NEB: variants seen among roughly 807,000 people sequenced by gnomAD.
NEB encodes the protein nemaline myopathy type 2.
In NEB, 512 loss-of-function variants were observed where a neutral mutation model predicts 952.2. That is an observed-to-expected ratio of 0.54 (90% confidence interval 0.50 to 0.58). The LOEUF is 0.58. Among genes scored for constraint, NEB ranks in the 20% least tolerant of loss-of-function variants. NEB has a pLI of 0.00. For synonymous variants in NEB, 2,900 were observed against 3,149.8 expected (o/e 0.92, Z 2.66); for missense variants, 8,428 against 9,231.1 (o/e 0.91, Z 3.56).
chr2:151,524,279 A>G (rs772300076), intron 153 of NEB, 32 bp downstream of exon 153: 120 of 1,569,048 alleles, frequency 7.6e-5, no homozygotes, highest in Non-Finnish European at 1.0e-4. Context: ...ATCTCCTCAC[A>G]TGAGAGCCAC....
Position 151,492,319 on chromosome 2 carries a change from G to C in NEB, c.24874-38C>G, listed in dbSNP as rs772460538. 3 of 1,600,148 alleles carry C rather than the reference G, an allele frequency of 1.9e-6. No individual in the cohort carries two copies. In the East Asian group the frequency reaches 6.7e-5, roughly 36 times the overall value. On this transcript the variant is annotated intron_variant, in intron 177 of 181. Coordinates refer to ENST00000397345, the MANE Select transcript of NEB (RefSeq NM_001164508.2). ...GAATTTGCTTTATGAAAATATGATGGTGTGACTATATCCCTTTTTACACAT... is the reference window on the plus strand; with the variant it reads ...GAATTTGCTTTATGAAAATATGATGCTGTGACTATATCCCTTTTTACACAT...
chr2:151,546,556 A>AAT, intron 133 of NEB, 113 bp from the exon 134 acceptor site: 4 of 460,864 alleles, frequency 8.7e-6, no homozygotes, highest in Admixed American at 9.8e-5. Flanking sequence ...TGGTTCATCT[A>AAT]CTTTTTTTTT....
intron 167 of NEB, 43 bp from the exon 168 acceptor site, chr2:151,501,526 AT>A (rs778177270): frequency 2.6e-6 from 3 of 1,166,474 alleles, no homozygotes; most frequent in African/African-American, 3.1e-5. Flanking sequence ...TGGACCCATC[AT>A]TTTTTAGGTA....
chr2:151,627,330 G>A, intron 69 of NEB, 125 bp from the exon 70 acceptor site: 1 of 1,366,880 alleles, frequency 7.3e-7, no homozygotes, highest in Non-Finnish European at 9.9e-7. Context: ...AATATATGAA[G>A]GCCAAATTGA....
chr2:151,634,981 C>A (rs943511689), intron 64 of NEB, among the ~76,000 whole-genome samples: 1 of 151,970 alleles, frequency 6.6e-6, no homozygotes, highest in East Asian at 1.9e-4. Flanking sequence ...GACAACTGAC[C>A]GAGAAAGTGT....
chr2:151,494,930 G>A (rs1417244625), intron 173 of NEB: 6 of 153,516 alleles, frequency 3.9e-5, no homozygotes, highest in South Asian at 4.1e-4. Context: ...TTACAGGCGT[G>A]AGCCACCACA....
intron 168 of NEB, among the ~76,000 whole-genome samples, chr2:151,501,036 G>C (rs147336598): frequency 1.3e-5 from 2 of 152,118 alleles, no homozygotes; most frequent in African/African-American, 4.8e-5. Flanking sequence ...TTCAAGTCCA[G>C]TATCTTTTCT....
At chr2:151,728,373 G>A (rs763636815) in intron 4 of NEB, among the ~76,000 whole-genome samples, 8 of 152,250 alleles carry the variant, frequency 5.3e-5, no homozygotes, top group South Asian at 4.2e-4. Context: ...AAAATTGGTC[G>A]TTTGTTCTGC....
rs749327025 is a variant in NEB at position 151,614,491 on chromosome 2, C to T, written c.11386G>A (p.Ala3796Thr). 6.2e-7 allele frequency: 1 copy of T among 1,613,930 alleles called. No homozygotes were observed. Among genetic ancestry groups the T allele is most frequent in the Middle Eastern group, 1.7e-4 (1 of 6,054 alleles). The change falls in exon 77 of 182, where the codon GCC becomes ACC. Residue 3796 changes from alanine (A) to threonine (T), a missense_variant. By Grantham distance (58) the Ala-to-Thr change is moderately conservative. Coordinates refer to ENST00000397345, the MANE Select transcript of NEB (RefSeq NM_001164508.2). ...TACTCCCTGTCACTCTGGATCTTGG[C>T]CACATGGATGGACCACATCATCTTC... ...DPKMMWSIHV[A>T]KIQSDREYKK...
At chr2:151,594,530 T>G (rs1215984926) in intron 92 of NEB, among the ~76,000 whole-genome samples, 3 of 150,742 alleles carry the variant, frequency 2.0e-5, no homozygotes, top group Non-Finnish European at 4.4e-5. Context: ...AGGAGGGAGA[T>G]GGTATGGTGA....
intron 5 of NEB, 60 bp from the exon 6 acceptor site, chr2:151,725,620 C>T: frequency 7.6e-7 from 1 of 1,309,102 alleles, no homozygotes; most frequent in Non-Finnish European, 1.1e-6. Flanking sequence ...AGGCAACATA[C>T]TCACCCCATT....
chr2:151,500,539 C>G (rs781781484), intron 168 of NEB, among the ~76,000 whole-genome samples: 1 of 147,550 alleles, frequency 6.8e-6, no homozygotes, highest in Non-Finnish European at 1.5e-5. Flanking sequence ...GCCTGGATTT[C>G]TATTCATGAA....
intron 11 of NEB, 75 bp from the exon 12 acceptor site, chr2:151,709,838 G>T: frequency 8.3e-7 from 1 of 1,202,030 alleles, no homozygotes; most frequent in Non-Finnish European, 1.2e-6. Context: ...AAGACACAGG[G>T]ATTTGGAAAA....
At chr2:151,671,460 T>A in intron 37 of NEB, 1 of 458,126 alleles carries the variant, frequency 2.2e-6, no homozygotes, top group East Asian at 3.3e-5. Context: ...TCATGGGTAC[T>A]GCTAAAAAAA....
At chr2:151,723,536 A>G in intron 8 of NEB, 50 bp from the exon 9 acceptor site, 2 of 1,294,032 alleles carry the variant, frequency 1.5e-6, no homozygotes, top group Non-Finnish European at 2.2e-6. Flanking sequence ...TCACGTTTAC[A>G]CAAAATACAT....
Position 151,545,871 on chromosome 2 carries a change from A to T in NEB, c.20577+17T>A, listed in dbSNP as rs1361918116. 1 of 1,474,072 alleles carries T rather than the reference A, an allele frequency of 6.8e-7. No individual in the cohort carries two copies. The highest frequency in any genetic ancestry group is 9.4e-7 in the Non-Finnish European group (1 of 1,060,944). 91.3% of individuals were successfully genotyped at this position (1,474,072 alleles called of 1,614,324 possible). A position where few individuals can be genotyped will look rare whatever the true frequency, so the allele number is the denominator to read the frequency against. On this transcript the variant is annotated intron_variant, in intron 135 of 181. Coordinates refer to ENST00000397345, the MANE Select transcript of NEB (RefSeq NM_001164508.2). ...GGTCAATTTGATTGACTTCAATGAC[A>T]AGTAAAGCGTCCTTACCTCACTCAG...
Position 151,663,580 on chromosome 2 carries a change from A to C in NEB, c.5731T>G (p.Leu1911Val). The C allele has an allele frequency of 6.2e-7, 1 of 1,612,296 alleles. No individual in the cohort carries two copies. The highest frequency in any genetic ancestry group is 8.5e-7 in the Non-Finnish European group (1 of 1,178,550). ...TGAATCTGCATCATATTTTTGGCCA[A>C]TTCAAAGCTCATGGCATCAGGAAGC... ...NMLPDAMSFE[L>V]AKNMMQIQSD... is the part of the protein sequence containing the mutation. The change falls in exon 45 of 182, where the codon TTG becomes GTG. Residue 1911 changes from leucine to valine, a missense_variant. Leu to Val is a conservative substitution (Grantham distance 32). Coordinates refer to ENST00000397345, the MANE Select transcript of NEB (RefSeq NM_001164508.2).
In NEB at chr2:151,627,517, A is replaced by T. The variant is rs2098549432; in HGVS notation, c.10143+6T>A. 6.2e-7 allele frequency: 1 copy of T among 1,612,880 alleles called. No homozygotes were observed. The highest frequency in any genetic ancestry group is 1.3e-5 in the African/African-American group (1 of 74,906). On this transcript the variant is annotated splice_donor_region_variant and intron_variant, in intron 69 of 181. Transcript: ENST00000397345. ...AGCACAGTTACCATGGATCTTAATT[A>T]CTCACATCGCTCTGGAGGTCATAGG...
intron 29 of NEB, among the ~76,000 whole-genome samples, chr2:151,682,132 A>G (rs942346703): frequency 7.9e-5 from 12 of 152,218 alleles, no homozygotes; most frequent in African/African-American, 2.9e-4. Flanking sequence ...GAAGCCAGAT[A>G]CAAAATAAAT....
Sources: gnomAD v4.1 joint callset for allele counts (sites outside exome capture counted in the v4.1 genomes callset) on GRCh38, gnomAD v4.1.1 for gene constraint, MANE v1.5 for transcripts, NCBI Gene and HGNC (gene_info 2026-07-23, HGNC 2026-07-21) for gene names.